The following PDE4D variants were observed in gnomAD, a reference collection of about 807,000 sequenced individuals.
The protein encoded by PDE4D is phosphodiesterase 4D.
PDE4D carries 24 observed loss-of-function variants against 87.4 expected under a neutral mutation model. The observed-to-expected ratio is 0.27, with a 90% CI of 0.20 to 0.39. PDE4D has a LOEUF of 0.39. Ranked by LOEUF, PDE4D falls within the 10% of genes least tolerant of loss-of-function variation. The probability of loss-of-function intolerance (pLI) is 1.00; values close to 1 mark genes in which losing one functional copy is unlikely to be tolerated. For synonymous variants in PDE4D, 384 were observed against 383.2 expected, an observed-to-expected ratio of 1.00 and a Z score of -0.02; for missense variants, 714 against 1,041.0, an observed-to-expected ratio of 0.69 and a Z score of 4.32.
intron 1 of PDE4D, among the ~76,000 whole-genome samples, chr5:59,856,597 T>C (rs952332611): frequency 2.0e-5 from 3 of 152,198 alleles, no homozygotes; most frequent in African/African-American, 7.2e-5. Context: ...TGCTCAATGC[T>C]CTGAGACCTT....
intron 1 of PDE4D, among the ~76,000 whole-genome samples, chr5:59,368,141 C>A (rs79294592): frequency 6.6e-6 from 1 of 152,108 alleles, no homozygotes; most frequent in South Asian, 2.1e-4. Context: ...ACTTGACATC[C>A]GAATTCTCTA....
chr5:60,391,884 T>C (rs1428313028), intron 1 of PDE4D, among the ~76,000 whole-genome samples: 2 of 152,152 alleles, frequency 1.3e-5, no homozygotes, highest in Non-Finnish European at 2.9e-5. Flanking sequence ...AGCTGTGATG[T>C]TCCATGTTTA....
At chr5:60,247,494 A>G (rs563496603) in intron 1 of PDE4D, among the ~76,000 whole-genome samples, 2 of 152,106 alleles carry the variant, frequency 1.3e-5, no homozygotes, top group South Asian at 2.1e-4. Flanking sequence ...TCAGTTCACA[A>G]TTATATTATC....
chr5:59,771,507 A>AG (rs1362653688), intron 1 of PDE4D, among the ~76,000 whole-genome samples: 10 of 137,546 alleles, frequency 7.3e-5, no homozygotes, highest in African/African-American at 2.3e-4. Context: ...GAGAAGAAAG[A>AG]AAGAAAGAAA....
At chr5:59,096,119 T>C (rs913102657) in intron 5 of PDE4D, among the ~76,000 whole-genome samples, 4 of 152,006 alleles carry the variant, frequency 2.6e-5, no homozygotes, top group African/African-American at 9.7e-5. Flanking sequence ...ACAGAGGAAA[T>C]AGCTGAAAAG....
At chr5:58,991,632 C>T (rs1747936049) in intron 8 of PDE4D, among the ~76,000 whole-genome samples, 200 bp downstream of exon 8, 1 of 152,002 alleles carries the variant, frequency 6.6e-6, no homozygotes, top group South Asian at 2.1e-4. Context: ...ATAATCACCC[C>T]CCAAACCCCT....
intron 1 of PDE4D, among the ~76,000 whole-genome samples, chr5:59,480,646 T>C (rs1321182796): frequency 3.3e-5 from 5 of 152,188 alleles, no homozygotes; most frequent in Non-Finnish European, 1.5e-5. Flanking sequence ...GAATACCCCA[T>C]GAAGCCAGGC....
intron 6 of PDE4D, among the ~76,000 whole-genome samples, chr5:59,013,327 C>T (rs904298542): frequency 6.9e-6 from 1 of 145,738 alleles, no homozygotes; most frequent in African/African-American, 2.5e-5. Flanking sequence ...GATAGAGACA[C>T]AAAAAAACCT....
intron 1 of PDE4D, among the ~76,000 whole-genome samples, chr5:59,505,825 C>T (rs571381556): frequency 6.6e-6 from 1 of 152,166 alleles, no homozygotes; most frequent in Admixed American, 6.5e-5. Flanking sequence ...TTATAGCTGG[C>T]AAGCTTAGGA....
intron 6 of PDE4D, among the ~76,000 whole-genome samples, chr5:59,000,971 G>C (rs776394836): frequency 1.3e-4 from 20 of 152,178 alleles, no homozygotes; most frequent in Non-Finnish European, 2.6e-4. Context: ...TTACAGGTGT[G>C]AGCCAACGTG....
At chr5:59,886,779 G>A (rs1750219691) in intron 1 of PDE4D, among the ~76,000 whole-genome samples, 1 of 152,062 alleles carries the variant, frequency 6.6e-6, no homozygotes, top group African/African-American at 2.4e-5. Flanking sequence ...TACAAAAGGG[G>A]ACAAAAGTTA....
chr5:60,459,530 A>G (rs1421586748), intron 1 of PDE4D, among the ~76,000 whole-genome samples: 8 of 152,080 alleles, frequency 5.3e-5, no homozygotes, highest in African/African-American at 1.9e-4. Context: ...TCTATGCACT[A>G]CTACACAGGG....
chr5:60,066,901 C>A (rs911262812), intron 2 of PDE4D, among the ~76,000 whole-genome samples: 1 of 152,086 alleles, frequency 6.6e-6, no homozygotes, highest in African/African-American at 2.4e-5. Flanking sequence ...TACTGTCACA[C>A]AATTATGTGG....
At chr5:59,988,438 A>T (rs770953875) in intron 3 of PDE4D, 2 of 1,237,922 alleles carry the variant, frequency 1.6e-6, no homozygotes, top group Admixed American at 4.0e-5. Flanking sequence ...CACAGACAAC[A>T]ATCACCATCT....
chr5:60,253,094 A>T lies in PDE4D; in HGVS notation c.-89-67407T>A, dbSNP rs74493398. Among the ~76,000 whole-genome samples, 1,180 of 151,976 alleles carry T rather than the reference A, an allele frequency of 7.8e-3. 11 individuals carry two copies. Among genetic ancestry groups the T allele is most frequent in the African/African-American group, 0.027 (1,102 of 41,508 alleles). ...ACAAAAAAGACCAAAGAACATCAGT[A>T]CCCAAGGCCAATTTATGGAAACTAA... On this transcript the variant is annotated intron_variant, in intron 1 of 16. Coordinates refer to the PDE4D transcript ENST00000502484.
intron 1 of PDE4D, among the ~76,000 whole-genome samples, chr5:59,752,615 C>A (rs1760637754): frequency 6.6e-6 from 1 of 152,120 alleles, no homozygotes; most frequent in Non-Finnish European, 1.5e-5. Flanking sequence ...CAAGGGAAAA[C>A]TGGCAGTGCT....
upstream of PDE4D, among the ~76,000 whole-genome samples, chr5:59,897,568 A>T (rs981225844): frequency 3.3e-5 from 5 of 152,088 alleles, no homozygotes; most frequent in Non-Finnish European, 7.3e-5. Flanking sequence ...TGTCATTTAC[A>T]TTAGGTATTT....
chr5:60,403,350 C>T (rs1432136512), intron 1 of PDE4D, among the ~76,000 whole-genome samples: 2 of 152,164 alleles, frequency 1.3e-5, no homozygotes, highest in African/African-American at 4.8e-5. Context: ...TTTGGCCTCC[C>T]CAAATCATTG....
At chr5:59,929,199 A>T (rs1264212255) in intron 3 of PDE4D, among the ~76,000 whole-genome samples, 2 of 152,148 alleles carry the variant, frequency 1.3e-5, no homozygotes, top group Admixed American at 1.3e-4. Context: ...ACTACATGTC[A>T]TCCATACTAG....
Sources: gnomAD v4.1 joint callset for allele counts (sites outside exome capture counted in the v4.1 genomes callset) on GRCh38, gnomAD v4.1.1 for gene constraint, MANE v1.5 for transcripts, NCBI Gene and HGNC (gene_info 2026-07-23, HGNC 2026-07-21) for gene names.